The following EML1 variants were observed in gnomAD, a reference collection of about 807,000 sequenced individuals.
The protein encoded by EML1 is EMAP like 1.
A neutral mutation model predicts 110.4 loss-of-function variants in EML1; 27 were observed. That is an observed-to-expected ratio of 0.24 (90% CI 0.18 to 0.34). The LOEUF is 0.34. Among genes scored for constraint, EML1 ranks in the 10% least tolerant of loss-of-function variants. The probability of loss-of-function intolerance (pLI) is 1.00; values close to 1 mark genes in which losing one functional copy is unlikely to be tolerated. For missense variants in EML1, 741 were observed against 1,030.9 expected, an observed-to-expected ratio of 0.72 and a Z score of 3.85; for synonymous variants, 344 against 385.8, an observed-to-expected ratio of 0.89 and a Z score of 1.27.
chr14:99,793,596 G>A (rs996031379), intron 1 of EML1, 53 bp downstream of exon 1: 48 of 987,820 alleles, frequency 4.9e-5, no homozygotes, highest in Admixed American at 6.3e-5. Context: ...GGCGGGCGGC[G>A]GCGACGGCGA....
At chr14:99,739,055 A>G (rs2140156221) in intron 1 of EML1, among the ~76,000 whole-genome samples, 1 of 113,542 alleles carries the variant, frequency 8.8e-6, no homozygotes, top group African/African-American at 3.0e-5. Flanking sequence ...AGAGCAAGTG[A>G]GAGTGTGAGA....
intron 17 of EML1, among the ~76,000 whole-genome samples, chr14:99,933,789 T>G (rs2060416764): frequency 6.6e-6 from 1 of 152,198 alleles, no homozygotes; most frequent in Admixed American, 6.5e-5. Flanking sequence ...TAGCACATAG[T>G]AGGCTCTCAA....
At position 99,793,529 on chromosome 14, in the gene EML1, TC is replaced by T; in HGVS notation, c.55del (p.Gln19SerfsTer16). ...YSSLYDTSSL[L>X]QFCNDDSASA... ...AGCCTGTACGACACGTCCTCGCTGC[TC>T]CAGTTCTGCAACGGTGAGGGGCGGC... On this transcript the variant is annotated frameshift_variant, in exon 1 of 22. Coordinates refer to ENST00000262233, the MANE Select transcript of EML1 (RefSeq NM_004434.3). LOFTEE classifies it high-confidence loss of function. 9.6e-7 allele frequency: 1 copy of T among 1,038,088 alleles called. No homozygotes were observed. The allele number at this position is 1,038,088 out of a possible 1,614,324, so 64.3% of individuals were successfully genotyped here.
At chr14:99,860,122 T>C (rs993707770) in intron 2 of EML1, among the ~76,000 whole-genome samples, 19 of 152,130 alleles carry the variant, frequency 1.2e-4, no homozygotes, top group South Asian at 6.2e-4. Context: ...GGGCACCTCT[T>C]ACCCCCAGAG....
intron 1 of EML1, among the ~76,000 whole-genome samples, chr14:99,777,750 A>G (rs936381909): frequency 2.0e-5 from 3 of 152,134 alleles, no homozygotes; most frequent in Admixed American, 1.3e-4. Flanking sequence ...ACATGCATAT[A>G]CTGCTACTTC....
intron 5 of EML1, among the ~76,000 whole-genome samples, chr14:99,892,665 G>A (rs981906864): frequency 1.5e-4 from 23 of 152,186 alleles, no homozygotes; most frequent in Admixed American, 1.5e-3. Context: ...TGACTTCAGT[G>A]CTTTTTTTGC....
chr14:99,846,062 A>G (rs1054877998), intron 1 of EML1, among the ~76,000 whole-genome samples: 4 of 151,060 alleles, frequency 2.6e-5, no homozygotes, highest in African/African-American at 7.3e-5. Context: ...AAAAAAAAAA[A>G]AAAGAAAAGA....
chr14:99,907,593 C>T, intron 9 of EML1, 45 bp from the exon 10 acceptor site: 3 of 1,550,850 alleles, frequency 1.9e-6, no homozygotes, highest in Non-Finnish European at 2.7e-6. Flanking sequence ...GTTCAACCCA[C>T]TTTATTCTCA....
chr14:99,822,708 T>C (rs1452848958), intron 1 of EML1, among the ~76,000 whole-genome samples: 2 of 152,132 alleles, frequency 1.3e-5, no homozygotes, highest in South Asian at 2.1e-4. Flanking sequence ...TGCCGTTTCT[T>C]TTTTCTTTAT....
In EML1 at chr14:99,892,942, C is replaced by A. The variant is rs145025904; in HGVS notation, c.548-1687C>A. Among the ~76,000 whole-genome samples the A allele has an allele frequency of 5.8e-3, 879 of 152,174 alleles. 1 individual carries two copies. The highest frequency in any genetic ancestry group is 0.02 in the African/African-American group (825 of 41,490). On this transcript the variant is annotated intron_variant, in intron 5 of 21. Transcript: ENST00000262233. ...TTAGCTGTCAACTCCAGTCTCCTGC[C>A]CCTCTTTTCAAGAATGTCAATCGTT... is the stretch of plus-strand genomic sequence containing the variant.
intron 2 of EML1, among the ~76,000 whole-genome samples, chr14:99,857,458 C>G (rs1425343756): frequency 2.0e-5 from 3 of 151,952 alleles, no homozygotes; most frequent in African/African-American, 7.3e-5. Context: ...TAAAACTGAC[C>G]CTTTTAAAAT....
intron 12 of EML1, among the ~76,000 whole-genome samples, chr14:99,910,703 T>C (rs2059931404): frequency 6.6e-6 from 1 of 152,220 alleles, no homozygotes; most frequent in Non-Finnish European, 1.5e-5. Flanking sequence ...ATCTAGCATG[T>C]GGCAGACATT....
chr14:99,932,708 C>T (rs182957891), intron 17 of EML1, among the ~76,000 whole-genome samples: 93 of 151,826 alleles, frequency 6.1e-4, no homozygotes, highest in African/African-American at 1.9e-3. Flanking sequence ...CAAAACTCCT[C>T]GAACCATGCA....
rs956417701 is a variant in EML1 at position 99,897,443 on chromosome 14, G to A, written c.827+149G>A. 1.5e-5 allele frequency: 13 copies of A among 872,020 alleles called. No individual in the cohort carries two copies. In the Admixed American group the frequency reaches 4.1e-4, roughly 28 times the overall value. 54.0% of individuals were successfully genotyped at this position (872,020 alleles called of 1,614,324 possible). Reference sequence around the variant, plus strand: ...TAAATGTGATTCCTGTTGCACAGGTGGAAATAGCATTAGCAGAACACGGTC... The same window carrying A: ...TAAATGTGATTCCTGTTGCACAGGTAGAAATAGCATTAGCAGAACACGGTC... On this transcript the variant is annotated intron_variant, in intron 7 of 21. Coordinates refer to ENST00000262233, the MANE Select transcript of EML1 (RefSeq NM_004434.3).
intron 15 of EML1, 78 bp from the exon 16 acceptor site, chr14:99,917,704 C>T: frequency 7.2e-7 from 1 of 1,393,744 alleles, no homozygotes; most frequent in African/African-American, 1.4e-5. Context: ...TTTGTGTGTG[C>T]ACGCACTCAC....
intron 2 of EML1, among the ~76,000 whole-genome samples, chr14:99,859,653 T>A (rs1279883027): frequency 6.6e-6 from 1 of 152,016 alleles, no homozygotes; most frequent in East Asian, 1.9e-4. Flanking sequence ...TCCTCTCCAC[T>A]ACCTCCCCCA....
chr14:99,745,704 C>G (rs539438437), intron 1 of EML1, among the ~76,000 whole-genome samples: 1 of 152,216 alleles, frequency 6.6e-6, no homozygotes, highest in Non-Finnish European at 1.5e-5. Flanking sequence ...TTAGAGAACT[C>G]TCTACCAAGT....
At chr14:99,931,639 G>A (rs1257792373) in intron 17 of EML1, among the ~76,000 whole-genome samples, 4 of 152,148 alleles carry the variant, frequency 2.6e-5, no homozygotes, top group Admixed American at 6.5e-5. Flanking sequence ...GGCTTAGAGA[G>A]TTTTTGGAGG....
intron 1 of EML1, among the ~76,000 whole-genome samples, chr14:99,779,974 T>G (rs555076551): frequency 6.6e-6 from 1 of 152,292 alleles, no homozygotes; most frequent in Non-Finnish European, 1.5e-5. Context: ...CAACAGAAAT[T>G]TATTCCTCAC....
Sources: gnomAD v4.1 joint callset for allele counts (sites outside exome capture counted in the v4.1 genomes callset) on GRCh38, gnomAD v4.1.1 for gene constraint, MANE v1.5 for transcripts, NCBI Gene and HGNC (gene_info 2026-07-23, HGNC 2026-07-21) for gene names.